The following BARX2 variants were observed in gnomAD, a reference collection of about 807,000 sequenced individuals.
The protein encoded by BARX2 is homeobox protein BarH-like 2.
In BARX2, 11 loss-of-function variants were observed where a neutral mutation model predicts 25.5. That is an observed-to-expected ratio of 0.43 (90% CI 0.27 to 0.71). The LOEUF is 0.71. BARX2 is among the 30% of genes least tolerant of loss of function. The probability of loss-of-function intolerance (pLI) is 0.19; values close to 1 mark genes in which losing one functional copy is unlikely to be tolerated. For missense variants in BARX2, 360 were observed against 359.9 expected, an observed-to-expected ratio of 1.00 and a Z score of 0.00; for synonymous variants, 137 against 149.5, an observed-to-expected ratio of 0.92 and a Z score of 0.61.
chr11:129,448,666 G>A (rs573278592), intron 3 of BARX2, among the ~76,000 whole-genome samples: 1 of 152,282 alleles, frequency 6.6e-6, no homozygotes, highest in South Asian at 2.1e-4. Context: ...CTCATATGCA[G>A]CTGGCTGGAA....
At chr11:129,437,177 C>G in intron 2 of BARX2, 126 bp downstream of exon 2, 1 of 1,099,512 alleles carries the variant, frequency 9.1e-7, no homozygotes, top group Non-Finnish European at 1.2e-6. Flanking sequence ...GAGTCCACTC[C>G]TTGGCTCAAA....
intron 1 of BARX2, among the ~76,000 whole-genome samples, chr11:129,412,611 G>A (rs759877562): frequency 1.3e-5 from 2 of 152,238 alleles, no homozygotes; most frequent in African/African-American, 2.4e-5. Context: ...GGCAATTTAT[G>A]CAGAAATTTC....
At chr11:129,444,740 G>A (rs952933709) in intron 3 of BARX2, among the ~76,000 whole-genome samples, 2 of 152,170 alleles carry the variant, frequency 1.3e-5, no homozygotes, top group South Asian at 2.1e-4. Context: ...GGTGGCTCAC[G>A]CCTGTAATCC....
intron 3 of BARX2, among the ~76,000 whole-genome samples, chr11:129,450,692 GC>G (rs1305354398): frequency 6.6e-6 from 1 of 152,144 alleles, no homozygotes; most frequent in South Asian, 2.1e-4. Flanking sequence ...GTGTCAAAAA[GC>G]CATGCACATT....
rs11456583 is a variant in BARX2 at position 129,438,025 on chromosome 11, TA to T, written c.488+990del. 568 of 141,330 alleles carry T rather than the reference TA, an allele frequency of 4.0e-3. 2 individuals are homozygous for T. The highest frequency in any genetic ancestry group is 8.8e-3 in the African/African-American group (336 of 38,042). 8.8% of individuals were successfully genotyped at this position (141,330 alleles called of 1,614,324 possible). A position where few individuals can be genotyped will look rare whatever the true frequency, so the allele number is the denominator to read the frequency against. Reference sequence around the variant, plus strand: ...CACTCTAGGCGAGACCCTGTCTCCTTAAAAAAAAAAAAAAAATAGCCGGGTG... The same window carrying T: ...CACTCTAGGCGAGACCCTGTCTCCTTAAAAAAAAAAAAAAATAGCCGGGTG... On this transcript the variant is annotated intron_variant, in intron 2 of 3. Coordinates refer to ENST00000281437, the MANE Select transcript of BARX2 (RefSeq NM_003658.5).
intron 1 of BARX2, among the ~76,000 whole-genome samples, chr11:129,394,984 A>G (rs927709573): frequency 1.3e-5 from 2 of 151,284 alleles, no homozygotes; most frequent in Non-Finnish European, 2.9e-5. Context: ...AGAGTAATTA[A>G]ATTGCTCAAC....
chr11:129,445,480 G>A (rs1011135020), intron 3 of BARX2, among the ~76,000 whole-genome samples: 20 of 152,174 alleles, frequency 1.3e-4, no homozygotes, highest in African/African-American at 4.8e-4. Flanking sequence ...GCATGGTTGT[G>A]GGCCAGTTAT....
intron 1 of BARX2, among the ~76,000 whole-genome samples, chr11:129,411,032 C>T (rs756057870): frequency 1.3e-4 from 20 of 152,166 alleles, no homozygotes; most frequent in Non-Finnish European, 2.5e-4. Flanking sequence ...CCCAGTCTCT[C>T]TGTTGGTGCT....
chr11:129,447,954 G>A (rs61911259), intron 3 of BARX2, among the ~76,000 whole-genome samples: 6,216 of 152,196 alleles, frequency 0.041, 186 homozygotes, highest in African/African-American at 0.084. Context: ...AATGACTTAC[G>A]TGAAAAGAAA....
intron 1 of BARX2, among the ~76,000 whole-genome samples, chr11:129,384,312 T>G (rs1428248050): frequency 1.3e-5 from 2 of 152,174 alleles, no homozygotes; most frequent in African/African-American, 2.4e-5. Flanking sequence ...ATTCAAGGAT[T>G]ACTTACCATG....
At chr11:129,385,215 G>A (rs1330886962) in intron 1 of BARX2, among the ~76,000 whole-genome samples, 1 of 152,140 alleles carries the variant, frequency 6.6e-6, no homozygotes, top group African/African-American at 2.4e-5. Context: ...TGTATGGTAC[G>A]ATTATTTTGG....
In BARX2 at chr11:129,436,679, G is replaced by A. The variant is rs1862192420; in HGVS notation, c.188-72G>A. Reference sequence around the variant, plus strand: ...CCTGTCAGACAGACCTCAGCCAGCGGCCCTCCGCAGGTCCTGGCCTGCTTC... The same window carrying A: ...CCTGTCAGACAGACCTCAGCCAGCGACCCTCCGCAGGTCCTGGCCTGCTTC... On this transcript the variant is annotated intron_variant, in intron 1 of 3. Transcript: ENST00000281437. This position sits in a 1 kb window ranked among gnomAD's most constrained non-coding sequence, Gnocchi z 4.5. The A allele has an allele frequency of 1.0e-5, 15 of 1,478,098 alleles. No individual in the cohort carries two copies. Among genetic ancestry groups the A allele is most frequent in the South Asian group, 1.4e-5 (1 of 73,542 alleles). 91.6% of individuals were successfully genotyped at this position (1,478,098 alleles called of 1,614,324 possible).
intron 1 of BARX2, among the ~76,000 whole-genome samples, chr11:129,428,586 A>G (rs1036252870): frequency 4.6e-5 from 7 of 152,236 alleles, no homozygotes; most frequent in African/African-American, 1.7e-4. Context: ...TATTAAAATT[A>G]GAAAAGACAG....
At chr11:129,388,093 C>CTGTGTGTGTGTG (rs34835803) in intron 1 of BARX2, among the ~76,000 whole-genome samples, 1 of 147,020 alleles carries the variant, frequency 6.8e-6, no homozygotes, top group African/African-American at 2.5e-5. Context: ...AGGCAACATA[C>CTGTGTGTGTGTG]TGTGTGTGTG....
At position 129,376,327 on chromosome 11, in the gene BARX2, G is replaced by T. The variant is rs933475329; in HGVS notation, c.187+105G>T. 1 of 1,163,752 alleles carries T rather than the reference G, an allele frequency of 8.6e-7. No individual in the cohort carries two copies. Among genetic ancestry groups the T allele is most frequent in the Admixed American group, 2.6e-5 (1 of 39,176 alleles). 72.1% of individuals were successfully genotyped at this position (1,163,752 alleles called of 1,614,324 possible). A position where few individuals can be genotyped will look rare whatever the true frequency, so the allele number is the denominator to read the frequency against. On this transcript the variant is annotated intron_variant, in intron 1 of 3. Coordinates refer to ENST00000281437, the MANE Select transcript of BARX2 (RefSeq NM_003658.5). The surrounding 1 kb of genome is among the most constrained non-coding windows in gnomAD (Gnocchi z 4.2). The stretch of plus-strand genomic sequence containing the variant: ...GGCGAGAGGAAGGGTTAAGTTAAGG[G>T]ATTCTTTTCCTGCGCCTCAGCAAGC...
intron 2 of BARX2, among the ~76,000 whole-genome samples, chr11:129,440,748 A>G (rs60764239): frequency 0.25 from 38,672 of 151,848 alleles, 6,062 homozygotes; most frequent in African/African-American, 0.45. Flanking sequence ...ACCTGAGATC[A>G]TCAGGGCCGG....
At chr11:129,377,112 A>G (rs7947328) in intron 1 of BARX2, among the ~76,000 whole-genome samples, 47,763 of 152,126 alleles carry the variant, frequency 0.31, 7,717 homozygotes, top group Non-Finnish European at 0.35. Flanking sequence ...TTTATCAGAA[A>G]AAAGTTATTG....
intron 3 of BARX2, among the ~76,000 whole-genome samples, chr11:129,445,007 TA>T (rs1862307590): frequency 6.7e-6 from 1 of 148,600 alleles, no homozygotes; most frequent in African/African-American, 2.6e-5. Context: ...TCTCAAAAAA[TA>T]AAAATAAAAT....
intron 1 of BARX2, among the ~76,000 whole-genome samples, chr11:129,429,539 G>A (rs758922240): frequency 3.3e-5 from 5 of 151,970 alleles, no homozygotes; most frequent in Non-Finnish European, 4.4e-5. Flanking sequence ...GAAAAAAAAC[G>A]GAAGTTCAAC....
Sources: gnomAD v4.1 joint callset for allele counts (sites outside exome capture counted in the v4.1 genomes callset) on GRCh38, gnomAD v4.1.1 for gene constraint, Gnocchi (gnomAD v3.1) non-coding constraint, MANE v1.5 for transcripts, NCBI Gene and HGNC (gene_info 2026-07-23, HGNC 2026-07-21) for gene names.